Variants in CHODL observed in about 807,000 individuals in gnomAD.
CHODL encodes the protein chondrolectin, also known as transmembrane protein MT75.
In CHODL, 29 loss-of-function variants were observed where a neutral mutation model predicts 34.5. That is an observed-to-expected ratio of 0.84 (90% CI 0.63 to 1.15). The LOEUF (loss-of-function observed/expected upper bound fraction) is 1.15, where lower values mean the gene tolerates loss of function less well. Among genes scored for constraint, CHODL ranks in the 50% most tolerant of loss-of-function variants. CHODL has a pLI of 0.00. For missense variants in CHODL, 332 were observed against 332.5 expected (o/e 1.00, Z 0.01); for synonymous variants, 125 against 116.1 (o/e 1.08, Z -0.49).
In CHODL at chr21:18,203,482, T is replaced by C. The variant is rs1041861868; in HGVS notation, c.-44-53027T>C. On this transcript the variant is annotated intron_variant, in intron 2 of 6. Transcript: ENST00000400127. ...CCATCAAAACATTATTAATTTATAA[T>C]TTTAAGTTTTGTTTCTAGCTACACA... 3.9e-5 allele frequency among the ~76,000 whole-genome samples: 6 copies of C among 152,162 alleles called. No homozygotes were observed. The East Asian group carries it at 1.2e-3, about 29-fold the overall frequency.
At chr21:18,112,640 A>G (rs193048231) in intron 2 of CHODL, among the ~76,000 whole-genome samples, 2 of 152,318 alleles carry the variant, frequency 1.3e-5, no homozygotes, top group Admixed American at 1.3e-4. Flanking sequence ...TTTGCAACAA[A>G]AATGCCAAGA....
At chr21:18,196,012 C>T (rs1247265939) in intron 2 of CHODL, among the ~76,000 whole-genome samples, 1 of 152,176 alleles carries the variant, frequency 6.6e-6, no homozygotes, top group Admixed American at 6.5e-5. Context: ...TGGATATCCT[C>T]ATCACCTTAG....
chr21:18,060,475 A>AATAG (rs2064647337), intron 2 of CHODL, among the ~76,000 whole-genome samples: 1 of 151,576 alleles, frequency 6.6e-6, no homozygotes, highest in Non-Finnish European at 1.5e-5. Context: ...TAAATAAATA[A>AATAG]AATTATCAAA....
At chr21:18,205,306 T>C (rs2073699556) in intron 2 of CHODL, among the ~76,000 whole-genome samples, 1 of 152,188 alleles carries the variant, frequency 6.6e-6, no homozygotes, top group Admixed American at 6.5e-5. Flanking sequence ...GATGTTGAAT[T>C]TTATCAAATG....
chr21:18,097,376 T>A lies in CHODL; in HGVS notation c.-45+69405T>A, dbSNP rs569182539. 1.1e-4 allele frequency among the ~76,000 whole-genome samples: 16 copies of A among 152,232 alleles called. No homozygotes were observed. In the South Asian group the frequency reaches 3.3e-3, roughly 32 times the overall value. On this transcript the variant is annotated intron_variant, in intron 2 of 6. Transcript: ENST00000400127. The stretch of plus-strand genomic sequence containing the variant: ...ACTGGTAAAACAAATTGAGTAAAGT[T>A]GCAGGATATAAAATCAATACACAAA...
intron 2 of CHODL, among the ~76,000 whole-genome samples, chr21:18,172,067 A>G (rs918404235): frequency 6.6e-6 from 1 of 152,214 alleles, no homozygotes; most frequent in Non-Finnish European, 1.5e-5. Flanking sequence ...GCACAGCCTT[A>G]CATATTTTCA....
chr21:17,995,262 A>T (rs1278904131), intron 1 of CHODL, among the ~76,000 whole-genome samples: 1 of 152,114 alleles, frequency 6.6e-6, no homozygotes, highest in Non-Finnish European at 1.5e-5. Flanking sequence ...ATGTCTTCTC[A>T]TGGATTCCAG....
chr21:18,198,904 T>C (rs905553961), intron 2 of CHODL, among the ~76,000 whole-genome samples: 6 of 152,110 alleles, frequency 3.9e-5, no homozygotes, highest in African/African-American at 1.2e-4. Flanking sequence ...ACACAAACAA[T>C]TGTTCTTAAA....
chr21:18,194,105 C>CA (rs59741336), intron 2 of CHODL, among the ~76,000 whole-genome samples: 22,914 of 152,036 alleles, frequency 0.15, 1,798 homozygotes, highest in Non-Finnish European at 0.16. Context: ...CCCTGATTAT[C>CA]AAAATAGCTA....
intron 1 of CHODL, among the ~76,000 whole-genome samples, chr21:17,980,951 T>C (rs1466222826): frequency 1.3e-5 from 2 of 152,190 alleles, no homozygotes; most frequent in Non-Finnish European, 2.9e-5. Flanking sequence ...TGTTAATACC[T>C]GTGTGACCTT....
At chr21:17,943,792 G>A (rs2063384564) in intron 1 of CHODL, among the ~76,000 whole-genome samples, 1 of 152,144 alleles carries the variant, frequency 6.6e-6, no homozygotes, top group Admixed American at 6.5e-5. Flanking sequence ...TCTACAATGG[G>A]GAAAGAGGAC....
rs112256770 is a variant in CHODL at position 18,062,836 on chromosome 21, G to A, written c.-45+34865G>A. Among the ~76,000 whole-genome samples the A allele has an allele frequency of 4.6e-5, 7 of 152,058 alleles. No homozygotes were observed. In the South Asian group the frequency reaches 6.2e-4, roughly 14 times the overall value. ...GGCCCTGGAATATTAATTCTGATGC[G>A]GGAAAACTACACTGTAAAAGAAAAA... is the stretch of plus-strand genomic sequence containing the variant. On this transcript the variant is annotated intron_variant, in intron 2 of 6. Transcript: ENST00000400127.
At chr21:18,011,144 A>T (rs548678273) in intron 1 of CHODL, among the ~76,000 whole-genome samples, 84 of 152,288 alleles carry the variant, frequency 5.5e-4, no homozygotes, top group African/African-American at 1.9e-3. Context: ...TAGTAAGGAT[A>T]TGTAGATGGG....
At chr21:17,980,497 T>G (rs1163956925) in intron 1 of CHODL, among the ~76,000 whole-genome samples, 1 of 152,216 alleles carries the variant, frequency 6.6e-6, no homozygotes, top group Non-Finnish European at 1.5e-5. Flanking sequence ...ATTCATCCAT[T>G]TGAATCAGCA....
At chr21:18,024,211 A>T (rs1039209342) in intron 1 of CHODL, among the ~76,000 whole-genome samples, 3 of 152,192 alleles carry the variant, frequency 2.0e-5, no homozygotes, top group African/African-American at 7.2e-5. Flanking sequence ...AAATGTTTAG[A>T]ATATATTTTG....
chr21:18,256,422 TTGAC>T (rs2074314973), intron 1 of CHODL, 83 bp from the exon 2 acceptor site: 9 of 1,238,672 alleles, frequency 7.3e-6, no homozygotes, highest in Admixed American at 2.6e-5. Context: ...ATTTTCTGCT[TTGAC>T]TGGTTCTTAC....
chr21:18,102,457 T>A (rs1024063794), intron 2 of CHODL, among the ~76,000 whole-genome samples: 6 of 152,166 alleles, frequency 3.9e-5, no homozygotes, highest in African/African-American at 1.4e-4. Flanking sequence ...AAGAGGGTAG[T>A]GAGCAAGGTC....
At chr21:18,109,478 G>A (rs192965229) in intron 2 of CHODL, among the ~76,000 whole-genome samples, 3 of 152,260 alleles carry the variant, frequency 2.0e-5, no homozygotes, top group African/African-American at 7.2e-5. Context: ...AGTTTCCAGA[G>A]GGCAGCTGTG....
chr21:18,167,205 C>CTGTG (rs1568919528), intron 2 of CHODL, among the ~76,000 whole-genome samples: 2 of 109,332 alleles, frequency 1.8e-5, no homozygotes, highest in East Asian at 2.6e-4. Context: ...TCCCATTTCT[C>CTGTG]TCTCTCTGTG....
Sources: gnomAD v4.1 joint callset for allele counts (sites outside exome capture counted in the v4.1 genomes callset) on GRCh38, gnomAD v4.1.1 for gene constraint, MANE v1.5 for transcripts, NCBI Gene and HGNC (gene_info 2026-07-23, HGNC 2026-07-21) for gene names.